PTPRD: variants seen among roughly 807,000 people sequenced by gnomAD.
PTPRD encodes the protein receptor-type tyrosine-protein phosphatase delta.
A neutral mutation model predicts 214.5 loss-of-function variants in PTPRD; 34 were observed. The observed-to-expected ratio is 0.16, with a 90% CI of 0.12 to 0.21. PTPRD has a LOEUF of 0.21. Ranked by LOEUF, PTPRD falls within the 10% of genes least tolerant of loss-of-function variation. The pLI is 1.00. For missense variants in PTPRD, 2,545 were observed against 2,398.7 expected, an observed-to-expected ratio of 1.06 and a Z score of -1.27; for synonymous variants, 1,128 against 845.7, an observed-to-expected ratio of 1.33 and a Z score of -5.79.
chr9:10,237,835 T>G (rs2099634030), intron 3 of PTPRD, among the ~76,000 whole-genome samples: 3 of 152,070 alleles, frequency 2.0e-5, no homozygotes, highest in Admixed American at 2.0e-4. Context: ...GGACCAGATT[T>G]CATCATGCAA....
chr9:8,999,962 T>G (rs1381589455), intron 11 of PTPRD, among the ~76,000 whole-genome samples: 1 of 152,000 alleles, frequency 6.6e-6, no homozygotes, highest in Non-Finnish European at 1.5e-5. Context: ...AGTGTAAATA[T>G]TCCAATGAGT....
At chr9:9,950,435 A>T (rs985027803) in intron 4 of PTPRD, among the ~76,000 whole-genome samples, 3 of 96,364 alleles carry the variant, frequency 3.1e-5, no homozygotes, top group African/African-American at 1.6e-4. Context: ...TTTTAAGAAG[A>T]AAGTGGAGGC....
intron 12 of PTPRD, among the ~76,000 whole-genome samples, chr9:8,731,710 G>A (rs1474849119): frequency 6.6e-6 from 1 of 152,138 alleles, no homozygotes; most frequent in Non-Finnish European, 1.5e-5. Flanking sequence ...GATTGCAAAT[G>A]GATGTCCCTT....
intron 2 of PTPRD, among the ~76,000 whole-genome samples, chr9:10,453,304 T>G (rs1250355880): frequency 6.6e-6 from 1 of 151,590 alleles, no homozygotes; most frequent in Non-Finnish European, 1.5e-5. Context: ...TTCATGAGAT[T>G]TTGTGGTTCC....
At chr9:8,547,372 T>A (rs2080490034) in intron 14 of PTPRD, among the ~76,000 whole-genome samples, 1 of 152,040 alleles carries the variant, frequency 6.6e-6, no homozygotes, top group Non-Finnish European at 1.5e-5. Flanking sequence ...TAAATAGGCA[T>A]AGTGGGCCAG....
chr9:8,743,800 T>TAAC (rs2092430245), intron 11 of PTPRD, among the ~76,000 whole-genome samples: 1 of 13,606 alleles, frequency 7.3e-5, no homozygotes, highest in Admixed American at 7.6e-4. Flanking sequence ...AAAATAACAA[T>TAAC]AATAATAATA....
At chr9:9,870,335 G>A (rs1019463743) in intron 5 of PTPRD, among the ~76,000 whole-genome samples, 1 of 151,804 alleles carries the variant, frequency 6.6e-6, no homozygotes, top group African/African-American at 2.4e-5. Context: ...GGATACATTA[G>A]ACAAAGAAGA....
At chr9:9,251,523 G>T (rs770423924) in intron 9 of PTPRD, among the ~76,000 whole-genome samples, 1 of 151,882 alleles carries the variant, frequency 6.6e-6, no homozygotes. Flanking sequence ...CGGCTCAAGG[G>T]TGTTTCTCTG....
chr9:9,471,637 T>C (rs1419824757), intron 8 of PTPRD, among the ~76,000 whole-genome samples: 1 of 152,306 alleles, frequency 6.6e-6, no homozygotes, highest in East Asian at 1.9e-4. Flanking sequence ...TTTCTAATCT[T>C]ACTATATTTT....
chr9:8,332,336 A>G (rs970222760), intron 43 of PTPRD, among the ~76,000 whole-genome samples: 4 of 152,154 alleles, frequency 2.6e-5, no homozygotes, highest in Non-Finnish European at 5.9e-5. Flanking sequence ...GATGCCCCCC[A>G]TGTCTCAGAG....
At chr9:8,435,689 C>T (rs1040169107) in intron 35 of PTPRD, among the ~76,000 whole-genome samples, 3 of 140,954 alleles carry the variant, frequency 2.1e-5, no homozygotes, top group Non-Finnish European at 4.6e-5. Context: ...ATATATACCA[C>T]AATATCCAAA....
intron 3 of PTPRD, among the ~76,000 whole-genome samples, chr9:10,083,059 C>T (rs2098269821): frequency 6.6e-6 from 1 of 151,640 alleles, no homozygotes; most frequent in Admixed American, 6.6e-5. Flanking sequence ...TAAATAAATC[C>T]CATATCTATA....
intron 14 of PTPRD, among the ~76,000 whole-genome samples, chr9:8,595,617 T>C (rs2094437862): frequency 6.6e-6 from 1 of 152,200 alleles, no homozygotes; most frequent in Admixed American, 6.5e-5. Context: ...AGATAAACTC[T>C]TTGTGCTTAG....
intron 5 of PTPRD, among the ~76,000 whole-genome samples, chr9:9,877,869 A>G (rs1180269980): frequency 6.8e-6 from 1 of 147,966 alleles, no homozygotes; most frequent in African/African-American, 2.5e-5. Flanking sequence ...GCTACTTGGG[A>G]GGCTGAGGCA....
chr9:9,835,001 C>G (rs993935731), intron 5 of PTPRD, among the ~76,000 whole-genome samples: 2 of 151,886 alleles, frequency 1.3e-5, no homozygotes, highest in Non-Finnish European at 1.5e-5. Flanking sequence ...CAAGAGAGTA[C>G]TTCTACCACC....
chr9:9,744,068 G>A (rs1051491212), intron 6 of PTPRD, among the ~76,000 whole-genome samples: 2 of 151,856 alleles, frequency 1.3e-5, no homozygotes, highest in African/African-American at 2.4e-5. Context: ...ACTTAACAGC[G>A]TTTCTTTAAG....
At chr9:10,112,004 C>A (rs2098695466) in intron 3 of PTPRD, among the ~76,000 whole-genome samples, 1 of 152,144 alleles carries the variant, frequency 6.6e-6, no homozygotes, top group South Asian at 2.1e-4. Context: ...GCTATGTAGG[C>A]CTGATTGACT....
intron 3 of PTPRD, among the ~76,000 whole-genome samples, chr9:10,129,905 T>C (rs1005448273): frequency 5.9e-5 from 9 of 151,726 alleles, no homozygotes; most frequent in African/African-American, 1.9e-4. Context: ...ATAAAAATGG[T>C]AGTTTGGTTT....
chr9:9,646,601 C>T (rs2096187158), intron 7 of PTPRD, among the ~76,000 whole-genome samples: 2 of 152,040 alleles, frequency 1.3e-5, no homozygotes, highest in African/African-American at 4.8e-5. Flanking sequence ...AGCCAGCTAT[C>T]ATCTAGTTGA....
Sources: gnomAD v4.1 joint callset for allele counts (sites outside exome capture counted in the v4.1 genomes callset) on GRCh38, gnomAD v4.1.1 for gene constraint, MANE v1.5 for transcripts, NCBI Gene and HGNC (gene_info 2026-07-23, HGNC 2026-07-21) for gene names.